Variants in LIMA1 observed in about 807,000 individuals in gnomAD.
LIMA1 encodes LIM domain and actin-binding protein 1.
LIMA1 carries 52 observed loss-of-function variants against 62.6 expected under a neutral mutation model. The ratio of observed to expected loss-of-function variants is 0.83; its 90% CI spans 0.67 to 1.05. The LOEUF (loss-of-function observed/expected upper bound fraction) is 1.05, where lower values mean the gene tolerates loss of function less well. Ranked by LOEUF, LIMA1 falls within the 50% of genes least tolerant of loss-of-function variation. The pLI is 0.00. For missense variants in LIMA1, 780 were observed against 902.2 expected (o/e 0.86, Z 1.74); for synonymous variants, 302 against 317.8 (o/e 0.95, Z 0.53).
At chr12:50,194,359 C>T (rs969716478) in intron 8 of LIMA1, among the ~76,000 whole-genome samples, 17 of 141,096 alleles carry the variant, frequency 1.2e-4, no homozygotes, top group South Asian at 2.4e-4. Flanking sequence ...TGCGATGGTG[C>T]GATCTCAGCT....
At chr12:50,280,291 A>T (rs2138719800) in intron 1 of LIMA1, among the ~76,000 whole-genome samples, 1 of 151,626 alleles carries the variant, frequency 6.6e-6, no homozygotes, top group East Asian at 2.0e-4. Context: ...AGTAGCTAGG[A>T]CTACAGGCGC....
At chr12:50,274,871 G>A (rs552607245) in intron 1 of LIMA1, among the ~76,000 whole-genome samples, 1 of 152,240 alleles carries the variant, frequency 6.6e-6, no homozygotes, top group South Asian at 2.1e-4. Flanking sequence ...CAAATGCAAA[G>A]GCCCTGAGGA....
At chr12:50,250,397 C>G (rs1941913411) in intron 1 of LIMA1, among the ~76,000 whole-genome samples, 1 of 151,006 alleles carries the variant, frequency 6.6e-6, no homozygotes, top group South Asian at 2.1e-4. Context: ...TGAGACCAGC[C>G]TGGGTAACAT....
chr12:50,279,364 T>C lies in LIMA1; in HGVS notation c.-24+4056A>G, dbSNP rs537227257. ...AATTTTTATTTTATAATAATATAAA[T>C]ATCTATAATTTTTATTTTTAAATGT... On this transcript the variant is annotated intron_variant, in intron 1 of 10. Transcript: ENST00000341247. Among the ~76,000 whole-genome samples the C allele has an allele frequency of 1.3e-4, 19 of 150,236 alleles. No individual in the cohort carries two copies. The South Asian group carries it at 3.9e-3, about 31-fold the overall frequency.
Position 50,196,151 on chromosome 12 carries a change from C to T in LIMA1, c.973-264G>A, listed in dbSNP as rs977967755. On this transcript the variant is annotated intron_variant, in intron 7 of 10. Transcript: ENST00000341247. ...CAACTGCCAAAAGTGTGCATCATCT[C>T]CCTTTATAAAACAACTTCTAAACCA... The T allele has an allele frequency of 1.8e-5, 7 of 380,914 alleles. No individual in the cohort carries two copies. In the Admixed American group the frequency reaches 2.2e-4, roughly 12 times the overall value. 23.6% of individuals were successfully genotyped at this position (380,914 alleles called of 1,614,324 possible).
intron 1 of LIMA1, among the ~76,000 whole-genome samples, chr12:50,276,051 G>C (rs1942272509): frequency 6.6e-6 from 1 of 151,786 alleles, no homozygotes; most frequent in Non-Finnish European, 1.5e-5. Context: ...GCAATTAAAG[G>C]AACCATATTT....
At chr12:50,212,248 T>G (rs1941270537) in intron 4 of LIMA1, among the ~76,000 whole-genome samples, 1 of 152,218 alleles carries the variant, frequency 6.6e-6, no homozygotes, top group African/African-American at 2.4e-5. Context: ...CTCAACACTT[T>G]AATTTACTGA....
At chr12:50,246,879 A>G (rs1297985719) in intron 2 of LIMA1, among the ~76,000 whole-genome samples, 2 of 152,226 alleles carry the variant, frequency 1.3e-5, no homozygotes, top group Non-Finnish European at 2.9e-5. Context: ...AGTGCTTCTT[A>G]AACTTCCCTG....
intron 4 of LIMA1, among the ~76,000 whole-genome samples, chr12:50,213,625 G>T (rs906551829): frequency 1.3e-5 from 2 of 152,210 alleles, no homozygotes; most frequent in African/African-American, 4.8e-5. Flanking sequence ...TCACTGATGA[G>T]TTAGAATGAG....
At chr12:50,255,380 C>T (rs1471645688) in intron 1 of LIMA1, among the ~76,000 whole-genome samples, 1 of 151,588 alleles carries the variant, frequency 6.6e-6, no homozygotes, top group Non-Finnish European at 1.5e-5. Context: ...CATGGTGAAA[C>T]CCTGTCTCTA....
In LIMA1 at chr12:50,177,064, T is replaced by G; in HGVS notation, c.2280A>C (p.Ter760CysextTer35). 2 of 1,541,956 alleles carry G rather than the reference T, an allele frequency of 1.3e-6. No homozygotes were observed. The highest frequency in any genetic ancestry group is 1.7e-6 in the Non-Finnish European group (2 of 1,146,870). Residue 760 changes from the stop codon to cysteine, a stop_lost, in exon 11 of 11, where the codon TGA becomes TGC. Coordinates refer to ENST00000341247, the MANE Select transcript of LIMA1 (RefSeq NM_016357.5). Reference sequence around the variant, plus strand: ...TAAGGCCCAGCATCATTGCAATTTGTCACTCTTCATCCTCATCCTCATCAT... The same window carrying G: ...TAAGGCCCAGCATCATTGCAATTTGGCACTCTTCATCCTCATCCTCATCAT... ...RYYDEDEDEE* is the reference protein window; with the variant it reads ...RYYDEDEDEEC
chr12:50,177,433 T>G lies in LIMA1; in HGVS notation c.1911A>C (p.Glu637Asp), dbSNP rs768442080. ...CATTCTTCTTAGAAGCCTTGGCATT[T>G]TCCACTTGTTTCCTTTCTGCAACTC... The part of the protein sequence containing the change: ...GGRVAERKQV[E>D]NAKASKKNGN... Residue 637 changes from glutamate to aspartate, a missense_variant, in exon 11 of 11, where the codon GAA becomes GAC. Coordinates refer to ENST00000341247, the MANE Select transcript of LIMA1 (RefSeq NM_016357.5). 3.4e-5 allele frequency: 55 copies of G among 1,614,054 alleles called. 2 individuals are homozygous for G. The South Asian group carries it at 5.7e-4, about 17-fold the overall frequency.
chr12:50,226,361 C>T (rs557925708), intron 3 of LIMA1, among the ~76,000 whole-genome samples: 1 of 152,096 alleles, frequency 6.6e-6, no homozygotes, highest in Non-Finnish European at 1.5e-5. Flanking sequence ...AATACCTATT[C>T]ACGTCCACTT....
chr12:50,182,139 G>T, intron 9 of LIMA1, 102 bp from the exon 10 acceptor site: 1 of 1,287,366 alleles, frequency 7.8e-7, no homozygotes, highest in Non-Finnish European at 1.1e-6. Context: ...CCCTTAGCTG[G>T]TCAGTCAATT....
At chr12:50,182,973 G>A (rs1423204184) in intron 9 of LIMA1, among the ~76,000 whole-genome samples, 4 of 152,190 alleles carry the variant, frequency 2.6e-5, no homozygotes, top group Non-Finnish European at 5.9e-5. Flanking sequence ...GGAGGCCGAG[G>A]TGGGCGGATC....
chr12:50,226,901 T>C (rs1306455538), intron 3 of LIMA1, among the ~76,000 whole-genome samples: 1 of 131,522 alleles, frequency 7.6e-6, no homozygotes, highest in African/African-American at 3.4e-5. Context: ...AATTTAGTAA[T>C]TCTTTTTCTT....
rs997937648 is a variant in LIMA1, at chr12:50,275,133, G to C, written c.-24+8287C>G. On this transcript the variant is annotated intron_variant, in intron 1 of 10. Transcript: ENST00000341247. ...GCACTTTGGGAAGCTGAGGTGGGCA[G>C]ATCACTTGAGGCCAGGAGTTCTAGA... Among the ~76,000 whole-genome samples, 8 of 152,142 alleles carry C rather than the reference G, an allele frequency of 5.3e-5. No individual in the cohort carries two copies. In the South Asian group the frequency reaches 1.7e-3, roughly 32 times the overall value.
chr12:50,236,871 A>G lies in LIMA1; in HGVS notation c.120-5161T>C, dbSNP rs940320319. Among the ~76,000 whole-genome samples the G allele has an allele frequency of 8.5e-5, 13 of 152,236 alleles. No homozygotes were observed. In the East Asian group the frequency reaches 2.5e-3, roughly 29 times the overall value. On this transcript the variant is annotated intron_variant, in intron 2 of 10. Transcript: ENST00000341247. The stretch of plus-strand genomic sequence containing the variant: ...GGCGATAGGATTGCTTGAGGTCAGG[A>G]GTTCGAGGCTGCCGTGGGCTGTCAT...
At chr12:50,221,527 G>A (rs1038568182) in intron 4 of LIMA1, among the ~76,000 whole-genome samples, 5 of 152,186 alleles carry the variant, frequency 3.3e-5, no homozygotes, top group Non-Finnish European at 5.9e-5. Flanking sequence ...GATTTTAGCT[G>A]ATAGAAAACA....
Sources: allele counts gnomAD v4.1 joint callset (sites outside exome capture counted in the v4.1 genomes callset), GRCh38; gene constraint gnomAD v4.1.1; transcripts MANE v1.5; gene names NCBI Gene and HGNC (gene_info 2026-07-23, HGNC 2026-07-21).